SLC39A8: variants seen among roughly 807,000 people sequenced by gnomAD.
SLC39A8 encodes solute carrier family 39 member 8, also known as metal cation symporter ZIP8.
In SLC39A8, 15 loss-of-function variants were observed where a neutral mutation model predicts 40.4. The observed-to-expected ratio is 0.37, with a 90% CI of 0.25 to 0.57. The LOEUF is 0.57. Among genes scored for constraint, SLC39A8 ranks in the 20% least tolerant of loss-of-function variants. SLC39A8 has a pLI of 0.75. For synonymous variants in SLC39A8, 223 were observed against 221.6 expected (o/e 1.01, Z -0.06); for missense variants, 472 against 558.8 (o/e 0.84, Z 1.57).
At position 102,344,709 on chromosome 4, in the gene SLC39A8, G is replaced by A. The variant is rs931826983; in HGVS notation, c.-47C>T. ...AGGGCCCGCGACGGGCTGCCGCGCA[G>A]AGGGACGCGCGCGGGCGCACTGGCG... is the stretch of plus-strand genomic sequence containing the variant. On this transcript the variant is annotated 5_prime_UTR_variant, in exon 2 of 9. Coordinates refer to ENST00000356736, the MANE Select transcript of SLC39A8 (RefSeq NM_001135146.2). 3 of 1,385,492 alleles carry A rather than the reference G, an allele frequency of 2.2e-6. No individual in the cohort carries two copies. The highest frequency in any genetic ancestry group is 3.0e-5 in the East Asian group (1 of 33,376). 85.8% of individuals were successfully genotyped at this position (1,385,492 alleles called of 1,614,324 possible).
chr4:102,339,150 C>T (rs1023289234), intron 2 of SLC39A8, among the ~76,000 whole-genome samples: 2 of 152,108 alleles, frequency 1.3e-5, no homozygotes, highest in Admixed American at 1.3e-4. Context: ...ACACAATCAA[C>T]TTATGTGAGA....
At chr4:102,281,632 G>T (rs1314865699) in intron 6 of SLC39A8, among the ~76,000 whole-genome samples, 1 of 152,100 alleles carries the variant, frequency 6.6e-6, no homozygotes, top group East Asian at 1.9e-4. Flanking sequence ...TTAGGACCAA[G>T]TGGGGGTGAT....
chr4:102,290,037 G>A (rs77434144), intron 6 of SLC39A8, among the ~76,000 whole-genome samples: 1 of 152,246 alleles, frequency 6.6e-6, no homozygotes, highest in African/African-American at 2.4e-5. Context: ...AATCTTTCAT[G>A]AAAGAAGCAA....
chr4:102,330,583 C>T (rs1011945872), intron 2 of SLC39A8, among the ~76,000 whole-genome samples: 9 of 152,010 alleles, frequency 5.9e-5, no homozygotes, highest in Admixed American at 1.3e-4. Flanking sequence ...AGCTCTGTAT[C>T]GGTATTCACG....
intron 8 of SLC39A8, among the ~76,000 whole-genome samples, chr4:102,263,401 T>C (rs1182076687): frequency 6.6e-6 from 1 of 152,194 alleles, no homozygotes; most frequent in Non-Finnish European, 1.5e-5. Flanking sequence ...GACTATTAAG[T>C]GTGCAATAGC....
At chr4:102,306,258 G>A (rs1177173078) in intron 4 of SLC39A8, among the ~76,000 whole-genome samples, 3 of 151,632 alleles carry the variant, frequency 2.0e-5, no homozygotes, top group Non-Finnish European at 4.4e-5. Context: ...GACCCATAAA[G>A]CAGATGAGAT....
intron 6 of SLC39A8, among the ~76,000 whole-genome samples, chr4:102,285,466 C>A (rs1203430877): frequency 6.6e-6 from 1 of 152,094 alleles, no homozygotes; most frequent in Non-Finnish European, 1.5e-5. Context: ...TAAGAGTCAG[C>A]ACTTAAATTG....
At chr4:102,280,214 C>T (rs560932910) in intron 6 of SLC39A8, among the ~76,000 whole-genome samples, 6 of 152,262 alleles carry the variant, frequency 3.9e-5, no homozygotes, top group Admixed American at 1.3e-4. Context: ...TTCCCTTTTC[C>T]CTTTGGTCAT....
intron 11 of SLC39A8, among the ~76,000 whole-genome samples, chr4:102,254,066 G>A (rs1731654836): frequency 6.6e-6 from 1 of 152,148 alleles, no homozygotes; most frequent in African/African-American, 2.4e-5. Flanking sequence ...GAGGAGAGAA[G>A]AGGTCTGATC....
rs1259133193 is a variant in SLC39A8 at position 102,267,653 on chromosome 4, T to C, written c.1070A>G (p.Asn357Ser). 6.3e-7 allele frequency: 1 copy of C among 1,592,636 alleles called. No individual in the cohort carries two copies. Among genetic ancestry groups the C allele is most frequent in the Non-Finnish European group, 8.5e-7 (1 of 1,173,478 alleles). The change falls in exon 8 of 9, where the codon AAT (asparagine) becomes AGT (serine). Residue 357 changes from asparagine (N) to serine (S), a missense_variant. By Grantham distance (46) the Asn-to-Ser change is conservative. This residue lies in a region of SLC39A8 where 239 missense variants were observed against 317.9 expected (regional missense o/e 0.75). Transcript: ENST00000356736. Reference protein sequence around the residue: ...HELGDFVILLNAGMSTRQALL... With the variant: ...HELGDFVILLSAGMSTRQALL... ...GGCTTGTCGAGTGCTCATCCCTGCATTGAGTAGGATCACAAAGTCTCCTAG... is the reference window on the plus strand; with the variant it reads ...GGCTTGTCGAGTGCTCATCCCTGCACTGAGTAGGATCACAAAGTCTCCTAG...
intron 3 of SLC39A8, among the ~76,000 whole-genome samples, chr4:102,311,228 TTAAAATAGCTCC>T (rs1396250836): frequency 6.6e-6 from 1 of 152,222 alleles, no homozygotes; most frequent in East Asian, 1.9e-4. Flanking sequence ...AAAATGCAGA[TTAAAATAGCTCC>T]TATTTCATAG....
chr4:102,297,873 T>A (rs1004893288), intron 6 of SLC39A8, among the ~76,000 whole-genome samples: 1 of 151,964 alleles, frequency 6.6e-6, no homozygotes, highest in Non-Finnish European at 1.5e-5. Flanking sequence ...GAGCTCTGAT[T>A]AAGCCCTGCA....
At chr4:102,288,329 C>G (rs955013246) in intron 6 of SLC39A8, among the ~76,000 whole-genome samples, 1 of 152,000 alleles carries the variant, frequency 6.6e-6, no homozygotes, top group African/African-American at 2.4e-5. Flanking sequence ...GCAGACTTAA[C>G]CAATTAATGT....
chr4:102,272,640 C>T (rs1732420585), intron 6 of SLC39A8, among the ~76,000 whole-genome samples: 2 of 152,040 alleles, frequency 1.3e-5, no homozygotes, highest in South Asian at 4.1e-4. Context: ...TAATACACCA[C>T]TTAAAGAATT....
chr4:102,305,042 G>C lies in SLC39A8; in HGVS notation c.622C>G (p.Leu208Val), dbSNP rs201686712. 6.2e-7 allele frequency: 1 copy of C among 1,609,230 alleles called. No homozygotes were observed. Among genetic ancestry groups the C allele is most frequent in the East Asian group, 2.2e-5 (1 of 44,630 alleles). The change falls in exon 5 of 9, where the codon CTA (leucine) becomes GTA (valine). Residue 208 changes from leucine to valine, a missense_variant. This residue lies in a region of SLC39A8 where 239 missense variants were observed against 317.9 expected (regional missense o/e 0.75). Transcript: ENST00000356736. ...KAVAVFGGFYLLFFFERMLKM... is the reference protein window; with the variant it reads ...KAVAVFGGFYVLFFFERMLKM... ...AGCATTCTTTCAAAAAAGAAAAGTA[G>C]GTAAAATCCACCAAACACAGCAACT... is the stretch of plus-strand genomic sequence containing the variant.
chr4:102,307,266 G>A (rs368627886), intron 4 of SLC39A8, among the ~76,000 whole-genome samples, 170 bp downstream of exon 4: 24 of 152,018 alleles, frequency 1.6e-4, no homozygotes, highest in African/African-American at 5.3e-4. Flanking sequence ...GATATCCACT[G>A]CAGCTTGGGA....
intron 2 of SLC39A8, among the ~76,000 whole-genome samples, chr4:102,339,945 T>C (rs1260914807): frequency 6.6e-6 from 1 of 152,224 alleles, no homozygotes; most frequent in Non-Finnish European, 1.5e-5. Context: ...GTTATTTATA[T>C]CCCACTGCTC....
At chr4:102,318,295 G>A (rs1734749384) in intron 2 of SLC39A8, among the ~76,000 whole-genome samples, 1 of 152,264 alleles carries the variant, frequency 6.6e-6, no homozygotes, top group South Asian at 2.1e-4. Context: ...GTCATGGAGA[G>A]TGGCAACTGT....
chr4:102,275,530 T>C (rs923888021), intron 6 of SLC39A8, among the ~76,000 whole-genome samples: 1 of 152,066 alleles, frequency 6.6e-6, no homozygotes, highest in African/African-American at 2.4e-5. Flanking sequence ...CACACAATAA[T>C]AGTGGGAGAA....
Sources: gnomAD v4.1 joint callset for allele counts (sites outside exome capture counted in the v4.1 genomes callset) on GRCh38, gnomAD v4.1.1 for gene constraint, gnomAD v4.1.1 regional missense constraint, MANE v1.5 for transcripts, NCBI Gene and HGNC (gene_info 2026-07-23, HGNC 2026-07-21) for gene names.